Variants in CLASP2 observed in about 807,000 individuals in gnomAD.
CLASP2 encodes the protein CLIP-associating protein 2.
A neutral mutation model predicts 194.4 loss-of-function variants in CLASP2; 47 were observed. That is an observed-to-expected ratio of 0.24 (90% CI 0.19 to 0.31). The LOEUF is 0.31. Among genes scored for constraint, CLASP2 ranks in the 10% least tolerant of loss-of-function variants. CLASP2 has a pLI of 1.00. For missense variants in CLASP2, 1,445 were observed against 1,823.6 expected (o/e 0.79, Z 3.78); for synonymous variants, 619 against 633.5 (o/e 0.98, Z 0.34).
At chr3:33,548,762 T>TC (rs2059549894) in intron 30 of CLASP2, among the ~76,000 whole-genome samples, 1 of 148,330 alleles carries the variant, frequency 6.7e-6, no homozygotes, top group Non-Finnish European at 1.5e-5. Context: ...CGGTTTCATT[T>TC]CTTTTTTTTT....
At chr3:33,498,761 C>A in intron 38 of CLASP2, 44 bp from the exon 39 acceptor site, 1 of 1,268,718 alleles carries the variant, frequency 7.9e-7, no homozygotes, top group Non-Finnish European at 1.2e-6. Flanking sequence ...CAAGCTGCTC[C>A]AAATTATAAG....
chr3:33,517,210 A>T, intron 34 of CLASP2, 36 bp from the exon 35 acceptor site: 1 of 1,514,504 alleles, frequency 6.6e-7, no homozygotes, highest in Non-Finnish European at 8.9e-7. Context: ...CTATAACTTT[A>T]TAGGGTGACT....
intron 34 of CLASP2, 68 bp downstream of exon 34, chr3:33,535,165 C>T: frequency 9.7e-7 from 1 of 1,032,956 alleles, no homozygotes; most frequent in Non-Finnish European, 1.5e-6. Flanking sequence ...AAAGCATATG[C>T]ATTTCTTTTA....
chr3:33,681,847 T>A (rs984285534), intron 6 of CLASP2, among the ~76,000 whole-genome samples: 16 of 152,154 alleles, frequency 1.1e-4, no homozygotes, highest in Non-Finnish European at 2.4e-4. Context: ...TGGGTGTGGA[T>A]CCTTCATGAA....
chr3:33,566,722 A>G lies in CLASP2; in HGVS notation c.2766+10T>C, dbSNP rs1165937666. On this transcript the variant is annotated intron_variant, in intron 27 of 38. Transcript: ENST00000682230. ...AAGTTAGGTTTCCAACAAATATTGAACCAACTTACTCTCTATTGAGAGTTC... is the reference window on the plus strand; with the variant it reads ...AAGTTAGGTTTCCAACAAATATTGAGCCAACTTACTCTCTATTGAGAGTTC... The G allele has an allele frequency of 2.2e-6, 1 of 450,012 alleles. No individual in the cohort carries two copies. Among genetic ancestry groups the G allele is most frequent in the Admixed American group, 2.4e-5 (1 of 41,234 alleles). The allele number at this position is 450,012 out of a possible 1,614,324, so 27.9% of individuals were successfully genotyped here.
At chr3:33,536,541 T>A (rs932438556) in intron 33 of CLASP2, among the ~76,000 whole-genome samples, 1 of 151,398 alleles carries the variant, frequency 6.6e-6, no homozygotes, top group African/African-American at 2.4e-5. Context: ...AGGAGCAGAG[T>A]GAACAAGGAG....
rs115434652 is a variant in CLASP2 at position 33,604,613 on chromosome 3, G to C, written c.1695-404C>G. 4.4e-3 allele frequency among the ~76,000 whole-genome samples: 677 copies of C among 152,272 alleles called. 5 individuals carry two copies. The highest frequency in any genetic ancestry group is 0.016 in the African/African-American group (644 of 41,546). On this transcript the variant is annotated intron_variant, in intron 16 of 38. Coordinates refer to ENST00000682230, the MANE Select transcript of CLASP2 (RefSeq NM_001365631.1). Reference sequence around the variant, plus strand: ...TGGAATTATATGTGTGAGCCACCGTGCCTAGCTGGTACTTCCAATTTGAAT... The same window carrying C: ...TGGAATTATATGTGTGAGCCACCGTCCCTAGCTGGTACTTCCAATTTGAAT...
chr3:33,688,309 G>C lies in CLASP2; in HGVS notation c.438C>G (p.Gly146=). 6.3e-7 allele frequency: 1 copy of C among 1,590,972 alleles called. No homozygotes were observed. The highest frequency in any genetic ancestry group is 1.1e-5 in the South Asian group (1 of 87,074). ...AGGTTTCAATAAGACACAGACACACGCCTTCTCGAGATCGAAAATTCTTGT... is the reference window on the plus strand; with the variant it reads ...AGGTTTCAATAAGACACAGACACACCCCTTCTCGAGATCGAAAATTCTTGT... ...FKHKNFRSRE[G]VCLCLIETLN... Residue 146 remains glycine, a synonymous_variant, in exon 4 of 39, where the codon GGC becomes GGG. Transcript: ENST00000682230.
At chr3:33,608,686 C>A (rs1395386980) in intron 13 of CLASP2, 60 bp from the exon 14 acceptor site, 1 of 940,396 alleles carries the variant, frequency 1.1e-6, no homozygotes, top group African/African-American at 1.7e-5. Flanking sequence ...TTAACACTTT[C>A]TTTTATACTA....
chr3:33,516,278 G>A (rs1374045320), intron 35 of CLASP2, 127 bp from the exon 36 acceptor site: 1 of 638,828 alleles, frequency 1.6e-6, no homozygotes, highest in Non-Finnish European at 2.4e-6. Context: ...AAAGTATGCG[G>A]TATACTATGT....
chr3:33,541,400 G>T (rs1301556869), intron 32 of CLASP2, among the ~76,000 whole-genome samples: 4 of 152,134 alleles, frequency 2.6e-5, no homozygotes, highest in Non-Finnish European at 2.9e-5. Flanking sequence ...GTGTGTCATG[G>T]GGGTTTGGTT....
chr3:33,518,823 T>G (rs1311485230), intron 34 of CLASP2, among the ~76,000 whole-genome samples: 1 of 152,212 alleles, frequency 6.6e-6, no homozygotes, highest in African/African-American at 2.4e-5. Context: ...GAAAAATAAT[T>G]TCTTCCAGAG....
chr3:33,629,518 A>G (rs1431875020), intron 9 of CLASP2, among the ~76,000 whole-genome samples: 2 of 152,174 alleles, frequency 1.3e-5, no homozygotes, highest in Non-Finnish European at 2.9e-5. Context: ...AGAAGAGAGG[A>G]GGACAGAGAC....
intron 6 of CLASP2, among the ~76,000 whole-genome samples, chr3:33,672,125 C>G (rs1215787783): frequency 6.6e-6 from 1 of 152,194 alleles, no homozygotes; most frequent in African/African-American, 2.4e-5. Context: ...GATCTGAGAA[C>G]GGGCAGACTG....
At chr3:33,547,795 T>C (rs2059386278) in intron 30 of CLASP2, among the ~76,000 whole-genome samples, 3 of 151,418 alleles carry the variant, frequency 2.0e-5, no homozygotes, top group Admixed American at 6.6e-5. Context: ...TATGTATTTT[T>C]TTTTTTTTTT....
At chr3:33,554,922 T>C (rs2060659113) in intron 29 of CLASP2, 1 of 152,352 alleles carries the variant, frequency 6.6e-6, no homozygotes, top group Non-Finnish European at 1.5e-5. Flanking sequence ...AACTGACTTG[T>C]GTTTCTGAAC....
intron 36 of CLASP2, among the ~76,000 whole-genome samples, chr3:33,511,083 A>G (rs1445279803): frequency 2.1e-5 from 3 of 140,678 alleles, no homozygotes; most frequent in Non-Finnish European, 4.5e-5. Flanking sequence ...CCCAGGAAGG[A>G]GTGCAGTGGC....
chr3:33,681,706 T>A (rs2089884847), intron 6 of CLASP2, among the ~76,000 whole-genome samples: 1 of 152,244 alleles, frequency 6.6e-6, no homozygotes. Flanking sequence ...AGACTTTATT[T>A]GGACCCTGGT....
At chr3:33,715,399 GT>G (rs1197407995) in intron 1 of CLASP2, among the ~76,000 whole-genome samples, 3 of 151,914 alleles carry the variant, frequency 2.0e-5, no homozygotes, top group African/African-American at 7.3e-5. Flanking sequence ...TCCCTTCATT[GT>G]TTTTTTCTCC....
Sources: gnomAD v4.1 joint callset for allele counts (sites outside exome capture counted in the v4.1 genomes callset) on GRCh38, gnomAD v4.1.1 for gene constraint, MANE v1.5 for transcripts, NCBI Gene and HGNC (gene_info 2026-07-23, HGNC 2026-07-21) for gene names.